Variants in ANO4 observed in about 807,000 individuals in gnomAD.
ANO4 encodes anoctamin-4.
A neutral mutation model predicts 141.9 loss-of-function variants in ANO4; 69 were observed. The ratio of observed to expected loss-of-function variants is 0.49; its 90% confidence interval spans 0.40 to 0.59. The LOEUF is 0.59. ANO4 is among the 20% of genes least tolerant of loss of function. ANO4 has a pLI of 0.00. For synonymous variants in ANO4, 350 were observed against 394.3 expected, an observed-to-expected ratio of 0.89 and a Z score of 1.33; for missense variants, 894 against 1,162.2, an observed-to-expected ratio of 0.77 and a Z score of 3.36.
chr12:100,808,776 C>T (rs1022249468), intron 1 of ANO4, among the ~76,000 whole-genome samples: 5 of 152,096 alleles, frequency 3.3e-5, no homozygotes, highest in African/African-American at 1.2e-4. Context: ...GTAATTGATT[C>T]ATTTTTTCTT....
chr12:100,733,993 G>A, intron 2 of ANO4: 1 of 574,020 alleles, frequency 1.7e-6, no homozygotes. Flanking sequence ...CAGAGCAATT[G>A]CTTGTGGACT....
At chr12:100,808,418 G>A (rs189019673) in intron 1 of ANO4, among the ~76,000 whole-genome samples, 134 of 152,100 alleles carry the variant, frequency 8.8e-4, no homozygotes, top group African/African-American at 2.9e-3. Flanking sequence ...CTTGTAATTT[G>A]TTTAAGTTTC....
At chr12:101,113,791 A>T (rs968655806) in intron 24 of ANO4, among the ~76,000 whole-genome samples, 3 of 152,186 alleles carry the variant, frequency 2.0e-5, no homozygotes, top group Non-Finnish European at 4.4e-5. Context: ...ATTGAAAATT[A>T]TAAGTGGTGA....
chr12:100,752,625 G>T (rs1243260233), intron 3 of ANO4, among the ~76,000 whole-genome samples: 1 of 151,970 alleles, frequency 6.6e-6, no homozygotes, highest in Admixed American at 6.6e-5. Flanking sequence ...TGTGTGTGAG[G>T]TCTGTTGTAC....
chr12:100,874,734 G>T (rs183093981), intron 1 of ANO4, among the ~76,000 whole-genome samples: 87 of 152,076 alleles, frequency 5.7e-4, no homozygotes, highest in African/African-American at 1.9e-3. Flanking sequence ...TGGTCAGGCT[G>T]GTCTCAAACT....
At chr12:100,963,676 C>T (rs959009537) in intron 5 of ANO4, among the ~76,000 whole-genome samples, 1 of 152,088 alleles carries the variant, frequency 6.6e-6, no homozygotes, top group Non-Finnish European at 1.5e-5. Flanking sequence ...AAAACTGGAG[C>T]TCATAAAAGT....
intron 22 of ANO4, among the ~76,000 whole-genome samples, chr12:101,104,668 T>A (rs1177761219): frequency 6.8e-5 from 4 of 58,924 alleles, no homozygotes; most frequent in African/African-American, 2.6e-4. Flanking sequence ...TATATATATA[T>A]ATAAATAAAA....
intron 9 of ANO4, among the ~76,000 whole-genome samples, chr12:101,028,182 T>A (rs67962959): frequency 0.25 from 38,746 of 152,078 alleles, 5,085 homozygotes; most frequent in Non-Finnish European, 0.28. Context: ...AGTGGTCAGC[T>A]GCCTCAAAGA....
At chr12:100,765,379 C>CTTTTT (rs71091461) in intron 3 of ANO4, among the ~76,000 whole-genome samples, 49 of 125,352 alleles carry the variant, frequency 3.9e-4, no homozygotes, top group Non-Finnish European at 5.8e-4. Flanking sequence ...TTCTTTCTTT[C>CTTTTT]TTTTTTTTTT....
At chr12:100,971,706 C>T (rs991474545) in intron 6 of ANO4, among the ~76,000 whole-genome samples, 1 of 152,154 alleles carries the variant, frequency 6.6e-6, no homozygotes, top group Non-Finnish European at 1.5e-5. Flanking sequence ...GTCCTGTGTA[C>T]TGCTGCTTTG....
At chr12:100,938,427 A>AAGAACCCAAT (rs1189332004) in intron 3 of ANO4, among the ~76,000 whole-genome samples, 5 of 152,226 alleles carry the variant, frequency 3.3e-5, no homozygotes, top group African/African-American at 1.2e-4. Flanking sequence ...CTTGGGTAAG[A>AAGAACCCAAT]AGAACCCAAT....
Position 101,128,163 on chromosome 12 carries a change from G to A in ANO4, c.*307G>A, listed in dbSNP as rs1343344239. ...CAAGGGGAACTTGTATACTGGGCCTGTTTTTCAGCCTGTTTGCTACCTTTT... is the reference window on the plus strand; with the variant it reads ...CAAGGGGAACTTGTATACTGGGCCTATTTTTCAGCCTGTTTGCTACCTTTT... On this transcript the variant is annotated 3_prime_UTR_variant, in exon 28 of 28. Coordinates refer to ENST00000392977, the MANE Select transcript of ANO4 (RefSeq NM_001286615.2). The A allele has an allele frequency of 6.6e-6, 1 of 152,618 alleles. No individual in the cohort carries two copies. Among genetic ancestry groups the A allele is most frequent in the East Asian group, 1.9e-4 (1 of 5,186 alleles). The allele number at this position is 152,618 out of a possible 1,614,324, so 9.5% of individuals were successfully genotyped here.
intron 1 of ANO4, among the ~76,000 whole-genome samples, chr12:100,809,273 G>T (rs1213842788): frequency 3.3e-5 from 5 of 152,038 alleles, no homozygotes; most frequent in Non-Finnish European, 5.9e-5. Context: ...TGTAATCCCA[G>T]CTGCTCTGGA....
In ANO4 at chr12:100,901,714, C is replaced by T. The variant is rs374998220; in HGVS notation, c.-72C>T. On this transcript the variant is annotated 5_prime_UTR_variant, in exon 2 of 28. Transcript: ENST00000392977. ...CCATCAACGGCGAAGTGTGGCAAGC[C>T]GCCCAGCGTCACGTCGTCGCCTGCC... 4.3e-4 allele frequency: 594 copies of T among 1,396,260 alleles called. No individual in the cohort carries two copies. The highest frequency in any genetic ancestry group is 5.9e-4 in the Admixed American group (35 of 59,686). The allele number at this position is 1,396,260 out of a possible 1,614,324, so 86.5% of individuals were successfully genotyped here.
intron 5 of ANO4, among the ~76,000 whole-genome samples, chr12:100,960,175 G>T (rs551342493): frequency 1.3e-5 from 2 of 152,086 alleles, no homozygotes; most frequent in Non-Finnish European, 1.5e-5. Context: ...GAGGAGAACC[G>T]ATGCCAGGGA....
At position 100,723,153 on chromosome 12, in the gene ANO4, TA is replaced by T. The variant is rs1389061501; in HGVS notation, c.22+5609del. On this transcript the variant is annotated intron_variant, in intron 1 of 29. Transcript: ENST00000644049. Reference sequence around the variant, plus strand: ...TGTAAATTTCTTTGTGGGGTAAAATTAAATTAAAAAATTTTTTTGATTCTGA... The same window carrying T: ...TGTAAATTTCTTTGTGGGGTAAAATTAATTAAAAAATTTTTTTGATTCTGA... 2.6e-5 allele frequency among the ~76,000 whole-genome samples: 4 copies of T among 152,306 alleles called. No individual in the cohort carries two copies. The East Asian group carries it at 7.7e-4, about 29-fold the overall frequency.
intron 14 of ANO4, among the ~76,000 whole-genome samples, chr12:101,060,510 G>A (rs180735202): frequency 5.1e-4 from 78 of 152,298 alleles, no homozygotes; most frequent in African/African-American, 1.8e-3. Flanking sequence ...TTGTGTGGGA[G>A]TCTAAGTCTT....
Position 100,999,639 on chromosome 12 carries a change from G to A in ANO4, c.734+11969G>A, listed in dbSNP as rs561769596. Among the ~76,000 whole-genome samples the A allele has an allele frequency of 1.1e-4, 16 of 152,214 alleles. No individual in the cohort carries two copies. In the South Asian group the frequency reaches 2.7e-3, roughly 26 times the overall value. On this transcript the variant is annotated intron_variant, in intron 8 of 27. Transcript: ENST00000392977. ...ATTTGCCAATCCAAAAAGTGCCAAG[G>A]GTTGGGACAGAGGACAGGAAAGTTT...
chr12:100,819,925 C>T, intron 1 of ANO4, among the ~76,000 whole-genome samples: 1 of 151,808 alleles, frequency 6.6e-6, no homozygotes, highest in South Asian at 2.1e-4. Context: ...AAGTTGAAGC[C>T]CAAATCAAGT....
Sources: gnomAD v4.1 joint callset for allele counts (sites outside exome capture counted in the v4.1 genomes callset) on GRCh38, gnomAD v4.1.1 for gene constraint, MANE v1.5 for transcripts, NCBI Gene and HGNC (gene_info 2026-07-23, HGNC 2026-07-21) for gene names.